ZC3H12B: variants seen among roughly 807,000 people sequenced by gnomAD.
ZC3H12B encodes zinc finger CCCH-type containing 12B.
Under a neutral mutation model 43.9 loss-of-function variants are expected in ZC3H12B, and 7 were observed. That is an observed-to-expected ratio of 0.16 (90% confidence interval 0.09 to 0.30). The LOEUF (loss-of-function observed/expected upper bound fraction) is 0.30. Among genes scored for constraint, ZC3H12B ranks in the 10% least tolerant of loss-of-function variants. ZC3H12B has a pLI of 1.00. For synonymous variants in ZC3H12B, 222 were observed against 241.7 expected (o/e 0.92, Z 0.76); for missense variants, 475 against 670.2 (o/e 0.71, Z 3.22).
At chrX:65,315,642 G>T in the ZC3H12B span, among the ~76,000 whole-genome samples, 2 of 110,990 alleles carry the variant, frequency 1.8e-5, 1 homozygote, top group Middle Eastern at 8.4e-3. Flanking sequence ...ATCAGAAAAC[G>T]TAAAACCAAA....
the ZC3H12B span, among the ~76,000 whole-genome samples, chrX:65,057,391 A>T: frequency 9.0e-6 from 1 of 111,580 alleles, no homozygotes. Flanking sequence ...TTCTTTTCTT[A>T]AAAATGTTGA....
At chrX:65,088,840 G>C in the ZC3H12B span, among the ~76,000 whole-genome samples, 8 of 111,379 alleles carry the variant, frequency 7.2e-5, 1 homozygote, top group African/African-American at 2.3e-4. Flanking sequence ...GATTGCCTGG[G>C]TTTGAATCTG....
intron 3 of ZC3H12B, chrX:65,469,506 G>C (rs1403629620): frequency 8.6e-6 from 3 of 349,279 alleles, no homozygotes; most frequent in Non-Finnish European, 1.6e-5. Context: ...AAAGCTGGAG[G>C]ATGTAAAATT....
chrX:65,224,404 C>A, the ZC3H12B span, among the ~76,000 whole-genome samples: 1 of 112,069 alleles, frequency 8.9e-6, no homozygotes, highest in Non-Finnish European at 1.9e-5. Context: ...CCAAGATGGC[C>A]GAATAGGAAC....
chrX:65,497,063 AG>A (rs2068298047), intron 1 of ZC3H12B, 68 bp from the exon 7 acceptor site: 1 of 987,538 alleles, frequency 1.0e-6, no homozygotes, highest in Non-Finnish European at 1.4e-6. Flanking sequence ...ACTAAGAAAA[AG>A]CCTGCTTCAG....
chrX:65,297,918 G>A, the ZC3H12B span, among the ~76,000 whole-genome samples: 1 of 111,689 alleles, frequency 9.0e-6, no homozygotes, highest in African/African-American at 3.3e-5. Flanking sequence ...ATTCAGCAAA[G>A]GGTGCTGGGA....
chrX:65,111,647 A>G, the ZC3H12B span, among the ~76,000 whole-genome samples: 1 of 109,827 alleles, frequency 9.1e-6, no homozygotes, highest in African/African-American at 3.3e-5. Context: ...TTGCATTTTG[A>G]TAATTCTCAC....
the ZC3H12B span, among the ~76,000 whole-genome samples, chrX:65,059,536 G>A: frequency 9.0e-6 from 1 of 110,782 alleles, no homozygotes; most frequent in African/African-American, 3.3e-5. Flanking sequence ...GTATAGGATT[G>A]GGGATTTGAT....
chrX:65,372,517 G>A (rs2066260809), intron 2 of ZC3H12B, among the ~76,000 whole-genome samples: 1 of 99,694 alleles, frequency 1.0e-5, no homozygotes, highest in South Asian at 5.2e-4. Context: ...AGGAAGGAAG[G>A]AAGGAAGGAA....
At chrX:65,147,174 G>A in the ZC3H12B span, among the ~76,000 whole-genome samples, 20 of 112,200 alleles carry the variant, frequency 1.8e-4, no homozygotes, top group African/African-American at 5.8e-4. Flanking sequence ...AAGAAGTGGC[G>A]TCTTATTCCA....
the ZC3H12B span, among the ~76,000 whole-genome samples, chrX:65,343,820 A>C: frequency 9.0e-6 from 1 of 111,488 alleles, no homozygotes; most frequent in Non-Finnish European, 1.9e-5. Context: ...GGAGGTTCTC[A>C]CCAGATCCAT....
At chrX:65,066,013 A>G in the ZC3H12B span, among the ~76,000 whole-genome samples, 247 of 107,915 alleles carry the variant, frequency 2.3e-3, 1 homozygote, top group African/African-American at 7.9e-3. Context: ...TATGTTCTCT[A>G]AACTGGTTAT....
chrX:65,158,278 G>A, the ZC3H12B span, among the ~76,000 whole-genome samples: 1 of 111,132 alleles, frequency 9.0e-6, no homozygotes, highest in Non-Finnish European at 1.9e-5. Context: ...AGTTCTTTGG[G>A]TATATAGCCA....
chrX:65,470,366 G>A (rs2067893118), intron 3 of ZC3H12B: 1 of 12,754 alleles, frequency 7.8e-5, no homozygotes, highest in Admixed American at 1.4e-3. Context: ...GTGGTCATTA[G>A]GAACTTCCTA....
chrX:65,254,895 C>A, the ZC3H12B span, among the ~76,000 whole-genome samples: 1 of 111,707 alleles, frequency 9.0e-6, no homozygotes, highest in East Asian at 2.8e-4. Flanking sequence ...AGAAAAAAAT[C>A]ACTTCAAGAA....
chrX:65,244,271 TA>T, the ZC3H12B span, among the ~76,000 whole-genome samples: 63 of 110,302 alleles, frequency 5.7e-4, no homozygotes, highest in African/African-American at 1.9e-3. Context: ...CCATAACAGT[TA>T]AAAAAAATTA....
the ZC3H12B span, among the ~76,000 whole-genome samples, chrX:65,036,105 C>T: frequency 9.0e-6 from 1 of 111,515 alleles, no homozygotes; most frequent in Non-Finnish European, 1.9e-5. Context: ...CATGAGGCAC[C>T]GGAAGTGATA....
chrX:65,297,237 C>A, the ZC3H12B span, among the ~76,000 whole-genome samples: 309 of 110,554 alleles, frequency 2.8e-3, no homozygotes, highest in Admixed American at 4.7e-3. Context: ...ATAATCATAT[C>A]TTTAGAAGAC....
intron 3 of ZC3H12B, among the ~76,000 whole-genome samples, chrX:65,479,714 A>T (rs192257430): frequency 1.8e-3 from 207 of 112,195 alleles, no homozygotes; most frequent in Non-Finnish European, 2.8e-3. Flanking sequence ...TAAGTTCCAG[A>T]TGTCACCAGT....
Sources: gnomAD v4.1 joint callset for allele counts (sites outside exome capture counted in the v4.1 genomes callset) on GRCh38, gnomAD v4.1.1 for gene constraint, MANE v1.5 for transcripts, NCBI Gene and HGNC (gene_info 2026-07-23, HGNC 2026-07-21) for gene names.